Variants in SKAP1 observed in about 807,000 individuals in gnomAD.
SKAP1 encodes src kinase associated phosphoprotein 1.
SKAP1 carries 44 observed loss-of-function variants against 58.5 expected under a neutral mutation model. The observed-to-expected ratio is 0.75, with a 90% confidence interval of 0.59 to 0.97. The LOEUF (loss-of-function observed/expected upper bound fraction) is 0.97, where lower values mean the gene tolerates loss of function less well. SKAP1 is among the 50% of genes least tolerant of loss of function. The pLI is 0.00. For synonymous variants in SKAP1, 127 were observed against 149.7 expected (o/e 0.85, Z 1.11); for missense variants, 390 against 435.2 (o/e 0.90, Z 0.92).
At chr17:48,269,552 T>C (rs1000384729) in intron 4 of SKAP1, among the ~76,000 whole-genome samples, 1 of 152,226 alleles carries the variant, frequency 6.6e-6, no homozygotes, top group Non-Finnish European at 1.5e-5. Context: ...GCCCAAATTA[T>C]TGTGCTCCAT....
chr17:48,194,969 C>T (rs1014304029), intron 4 of SKAP1, among the ~76,000 whole-genome samples: 3 of 152,168 alleles, frequency 2.0e-5, no homozygotes, highest in African/African-American at 7.2e-5. Flanking sequence ...CAAATTCCAC[C>T]TGCAATTCCA....
At chr17:48,395,704 T>C (rs1202519533) in intron 2 of SKAP1, among the ~76,000 whole-genome samples, 1 of 152,208 alleles carries the variant, frequency 6.6e-6, no homozygotes, top group African/African-American at 2.4e-5. Flanking sequence ...AGGCTGATAA[T>C]TACACAGTCC....
At chr17:48,257,628 C>CTTTTTTTTTTT (rs56225931) in intron 4 of SKAP1, among the ~76,000 whole-genome samples, 20 of 111,132 alleles carry the variant, frequency 1.8e-4, no homozygotes, top group East Asian at 6.0e-4. Context: ...TTCTTTCTTT[C>CTTTTTTTTTTT]TTTTTTTTTT....
rs986772677 is a variant in SKAP1 at position 48,430,186 on chromosome 17, G to T, written c.-66C>A. Reference sequence around the variant, plus strand: ...GGTCGGGAGGCGGACGGGCTGGAAGGCGACCCGGCTGCACCGCGAGGCACC... The same window carrying T: ...GGTCGGGAGGCGGACGGGCTGGAAGTCGACCCGGCTGCACCGCGAGGCACC... On this transcript the variant is annotated 5_prime_UTR_variant, in exon 1 of 13. Coordinates refer to ENST00000336915, the MANE Select transcript of SKAP1 (RefSeq NM_003726.4). 2.0e-5 allele frequency: 24 copies of T among 1,220,146 alleles called. No individual in the cohort carries two copies. Among genetic ancestry groups the T allele is most frequent in the Non-Finnish European group, 2.5e-5 (24 of 967,778 alleles). 75.6% of individuals were successfully genotyped at this position (1,220,146 alleles called of 1,614,324 possible). A position where few individuals can be genotyped will look rare whatever the true frequency, so the allele number is the denominator to read the frequency against.
chr17:48,209,416 T>G (rs8069263), intron 4 of SKAP1, among the ~76,000 whole-genome samples: 80,631 of 151,954 alleles, frequency 0.53, 23,158 homozygotes, highest in East Asian at 0.77. Context: ...GAAAAGCCAG[T>G]GAAATATTAA....
chr17:48,265,048 C>T (rs1166551232), intron 4 of SKAP1, among the ~76,000 whole-genome samples: 2 of 152,164 alleles, frequency 1.3e-5, no homozygotes, highest in Non-Finnish European at 2.9e-5. Context: ...AGGCTGCTCT[C>T]CTTTCCAGCT....
chr17:48,286,757 C>T (rs1159166908), intron 4 of SKAP1, among the ~76,000 whole-genome samples: 3 of 152,176 alleles, frequency 2.0e-5, no homozygotes, highest in African/African-American at 7.2e-5. Flanking sequence ...TTACTAGTTG[C>T]TTCCCCACTT....
At position 48,133,705 on chromosome 17, in the gene SKAP1, T is replaced by C. The variant is rs1482700269; in HGVS notation, c.*119A>G. On this transcript the variant is annotated 3_prime_UTR_variant, in exon 13 of 13. Transcript: ENST00000336915. ...TCTGAGGTGTCAAGAGACTTGGGTC[T>C]CTTCAGCAAAGAGAGGAGTCCAAGG... 3.3e-5 allele frequency: 5 copies of C among 152,572 alleles called. No homozygotes were observed. The highest frequency in any genetic ancestry group is 7.3e-5 in the Non-Finnish European group (5 of 68,036). 9.5% of individuals were successfully genotyped at this position (152,572 alleles called of 1,614,324 possible). A position where few individuals can be genotyped will look rare whatever the true frequency, so the allele number is the denominator to read the frequency against.
chr17:48,368,707 C>A (rs532179279), intron 2 of SKAP1, among the ~76,000 whole-genome samples: 1 of 152,220 alleles, frequency 6.6e-6, no homozygotes, highest in South Asian at 2.1e-4. Flanking sequence ...ATGTTGCAAC[C>A]ATATTGATGA....
At chr17:48,380,770 G>C (rs566791553) in intron 2 of SKAP1, among the ~76,000 whole-genome samples, 1 of 152,278 alleles carries the variant, frequency 6.6e-6, no homozygotes, top group East Asian at 1.9e-4. Context: ...TTTGGACCTT[G>C]GAATACATTT....
intron 2 of SKAP1, among the ~76,000 whole-genome samples, chr17:48,388,998 A>T (rs556243690): frequency 6.6e-6 from 1 of 152,358 alleles, no homozygotes; most frequent in East Asian, 1.9e-4. Context: ...AGTTTTCTGT[A>T]AATTATAATG....
Position 48,137,249 on chromosome 17 carries a change from A to C in SKAP1, c.1067T>G (p.Val356Gly). The change falls in exon 12 of 13, where the codon GTG becomes GGG. Residue 356 changes from valine to glycine, a missense_variant. Val to Gly is a moderately radical substitution (Grantham distance 109, BLOSUM62 -3). Coordinates refer to ENST00000336915, the MANE Select transcript of SKAP1 (RefSeq NM_003726.4). The part of the protein sequence containing the change: ...PKEYLTTAFE[V>G]EER ...GATACCTGGGTTTCATCTTTCTTCC[A>C]CTTCAAAGGCAGTGGTGAGATACTC... is the stretch of plus-strand genomic sequence containing the variant. 6.2e-7 allele frequency: 1 copy of C among 1,612,972 alleles called. No homozygotes were observed. The highest frequency in any genetic ancestry group is 8.5e-7 in the Non-Finnish European group (1 of 1,179,174).
At chr17:48,185,501 T>C (rs930991490) in intron 6 of SKAP1, among the ~76,000 whole-genome samples, 7 of 152,152 alleles carry the variant, frequency 4.6e-5, no homozygotes, top group Admixed American at 4.6e-4. Flanking sequence ...ACTATTCTGC[T>C]TGTCACTACT....
intron 4 of SKAP1, among the ~76,000 whole-genome samples, chr17:48,285,120 C>T (rs749677306): frequency 6.6e-6 from 1 of 152,142 alleles, no homozygotes; most frequent in Non-Finnish European, 1.5e-5. Context: ...ATCCTCACAG[C>T]CATCTCTAAA....
At chr17:48,363,890 A>C in intron 2 of SKAP1, 76 bp from the exon 3 acceptor site, 1 of 1,219,804 alleles carries the variant, frequency 8.2e-7, no homozygotes, top group Non-Finnish European at 1.2e-6. Flanking sequence ...TACCATAGCT[A>C]TAGCACCTGG....
intron 4 of SKAP1, among the ~76,000 whole-genome samples, chr17:48,237,668 C>T (rs915935180): frequency 2.0e-5 from 3 of 152,166 alleles, no homozygotes; most frequent in South Asian, 2.1e-4. Flanking sequence ...CATGGCAATC[C>T]GACAAAGAGG....
intron 6 of SKAP1, 140 bp from the exon 7 acceptor site, chr17:48,184,987 G>A: frequency 2.5e-6 from 2 of 798,094 alleles, no homozygotes; most frequent in Admixed American, 3.1e-5. Context: ...AAGGTTATTA[G>A]AGAAGCTTAA....
intron 8 of SKAP1, among the ~76,000 whole-genome samples, chr17:48,182,058 T>C (rs1193477530): frequency 6.6e-6 from 1 of 152,196 alleles, no homozygotes; most frequent in Non-Finnish European, 1.5e-5. Context: ...TTGGATATTA[T>C]GAATTTCCTT....
At chr17:48,408,343 T>C (rs2144573043) in intron 1 of SKAP1, among the ~76,000 whole-genome samples, 1 of 152,320 alleles carries the variant, frequency 6.6e-6, no homozygotes, top group East Asian at 1.9e-4. Context: ...GAAATGTTTT[T>C]TATTTATTAA....
Sources: gnomAD v4.1 joint callset for allele counts (sites outside exome capture counted in the v4.1 genomes callset) on GRCh38, gnomAD v4.1.1 for gene constraint, MANE v1.5 for transcripts, NCBI Gene and HGNC (gene_info 2026-07-23, HGNC 2026-07-21) for gene names.